Variants in NTM observed in about 807,000 individuals in gnomAD.
NTM encodes the protein neurotrimin.
NTM carries 13 observed loss-of-function variants against 42.1 expected under a neutral mutation model. That is an observed-to-expected ratio of 0.31 (90% CI 0.20 to 0.49). NTM has a LOEUF of 0.49. Ranked by LOEUF, NTM falls within the 20% of genes least tolerant of loss-of-function variation. The pLI is 0.99. For missense variants in NTM, 373 were observed against 452.8 expected, an observed-to-expected ratio of 0.82 and a Z score of 1.60; for synonymous variants, 187 against 179.2, an observed-to-expected ratio of 1.04 and a Z score of -0.35.
intron 1 of NTM, among the ~76,000 whole-genome samples, chr11:131,567,617 A>G (rs2057028807): frequency 6.6e-6 from 1 of 152,244 alleles, no homozygotes; most frequent in Non-Finnish European, 1.5e-5. Context: ...CTTCCAGTTC[A>G]TGAGGAATAC....
chr11:131,691,792 C>T (rs1384836611), intron 1 of NTM, among the ~76,000 whole-genome samples: 2 of 152,194 alleles, frequency 1.3e-5, no homozygotes, highest in Non-Finnish European at 2.9e-5. Flanking sequence ...GGGAGGGAGG[C>T]GGCGCATCCA....
chr11:132,326,649 C>T (rs988556895), intron 7 of NTM, among the ~76,000 whole-genome samples: 4 of 152,124 alleles, frequency 2.6e-5, no homozygotes, highest in Admixed American at 6.5e-5. Context: ...AATGGGTCAG[C>T]GAAGAAGACT....
intron 1 of NTM, among the ~76,000 whole-genome samples, chr11:131,752,946 A>C (rs1408245922): frequency 1.3e-5 from 2 of 152,214 alleles, no homozygotes; most frequent in African/African-American, 4.8e-5. Context: ...CATCAGAGTG[A>C]ACAGGCAACC....
chr11:132,093,528 C>G (rs2060609994), intron 2 of NTM, among the ~76,000 whole-genome samples: 1 of 152,218 alleles, frequency 6.6e-6, no homozygotes, highest in Non-Finnish European at 1.5e-5. Flanking sequence ...TCATGCTGCA[C>G]TTTAGACATC....
chr11:131,520,815 C>T (rs993255143), intron 1 of NTM, among the ~76,000 whole-genome samples: 1 of 151,856 alleles, frequency 6.6e-6, no homozygotes, highest in Non-Finnish European at 1.5e-5. Flanking sequence ...ACATATGTCT[C>T]AGTCCATTTT....
At chr11:131,689,167 C>T (rs974471914) in intron 1 of NTM, among the ~76,000 whole-genome samples, 2 of 152,186 alleles carry the variant, frequency 1.3e-5, no homozygotes, top group African/African-American at 4.8e-5. Context: ...TTGTGAGGAC[C>T]GAGCCCCTTC....
At chr11:131,728,267 G>A (rs115285210) in intron 1 of NTM, among the ~76,000 whole-genome samples, 2,618 of 152,318 alleles carry the variant, frequency 0.017, 71 homozygotes, top group African/African-American at 0.058. Context: ...TCTAATGCCC[G>A]TGGCAAGCCT....
chr11:132,078,933 G>A (rs2058693268), intron 2 of NTM, among the ~76,000 whole-genome samples: 1 of 152,118 alleles, frequency 6.6e-6, no homozygotes, highest in South Asian at 2.1e-4. Flanking sequence ...CCAACTTTAG[G>A]ATTAAATGCA....
At chr11:131,438,290 T>C (rs566694487) in intron 1 of NTM, among the ~76,000 whole-genome samples, 1 of 152,314 alleles carries the variant, frequency 6.6e-6, no homozygotes, top group South Asian at 2.1e-4. Context: ...AGTATCTTTG[T>C]GGTGTCCTCT....
At chr11:132,005,973 T>C (rs1033303486) in intron 2 of NTM, among the ~76,000 whole-genome samples, 4 of 152,228 alleles carry the variant, frequency 2.6e-5, no homozygotes, top group Admixed American at 2.6e-4. Context: ...TTTCAATTAT[T>C]AGTGTTTTCC....
intron 1 of NTM, among the ~76,000 whole-genome samples, chr11:131,691,563 C>T (rs1399594318): frequency 6.6e-6 from 1 of 152,038 alleles, no homozygotes; most frequent in East Asian, 1.9e-4. Flanking sequence ...TGAAAGCCCC[C>T]CCCCGACTTC....
chr11:131,986,522 C>A (rs1238839987), intron 2 of NTM, among the ~76,000 whole-genome samples: 1 of 152,198 alleles, frequency 6.6e-6, no homozygotes, highest in Non-Finnish European at 1.5e-5. Flanking sequence ...TGTATCATGT[C>A]ATGAAATATG....
intron 2 of NTM, among the ~76,000 whole-genome samples, chr11:132,055,633 G>A (rs373949552): frequency 1.3e-4 from 19 of 149,124 alleles, no homozygotes; most frequent in South Asian, 6.5e-4. Flanking sequence ...GTGTGTGTGC[G>A]TGTGCATGTG....
At chr11:131,400,063 G>A (rs1944969713) in intron 1 of NTM, among the ~76,000 whole-genome samples, 1 of 149,786 alleles carries the variant, frequency 6.7e-6, no homozygotes, top group Admixed American at 6.6e-5. Flanking sequence ...TCATTGATTG[G>A]TAGCATGTTG....
intron 1 of NTM, chr11:131,605,741 T>C (rs1387468722): frequency 7.3e-6 from 7 of 961,908 alleles, no homozygotes; most frequent in Non-Finnish European, 8.7e-6. Context: ...AGTGTTTGTA[T>C]CATTTAAAGT....
At chr11:131,953,258 C>G (rs1192907114) in intron 2 of NTM, among the ~76,000 whole-genome samples, 2 of 152,114 alleles carry the variant, frequency 1.3e-5, no homozygotes, top group African/African-American at 4.8e-5. Context: ...TAGAGGCACG[C>G]TCTATTTTTT....
chr11:131,710,578 GC>G (rs2077020449), intron 1 of NTM, among the ~76,000 whole-genome samples: 1 of 152,064 alleles, frequency 6.6e-6, no homozygotes, highest in South Asian at 2.1e-4. Context: ...TCAGTCCCTT[GC>G]CTTTAATTCA....
At position 131,527,525 on chromosome 11, in the gene NTM, T is replaced by C. The variant is rs145646166; in HGVS notation, c.82+156637T>C. ...TGAGATTTGCTCTATTTCCTGGATA[T>C]AGGCCATTGAACTCTGTTCTGCCTT... On this transcript the variant is annotated intron_variant, in intron 1 of 8. Coordinates refer to ENST00000683400, the MANE Select transcript of NTM (RefSeq NM_001352005.2). Among the ~76,000 whole-genome samples, 5 of 152,354 alleles carry C rather than the reference T, an allele frequency of 3.3e-5. No individual in the cohort carries two copies. The East Asian group carries it at 9.6e-4, about 29-fold the overall frequency.
intron 1 of NTM, among the ~76,000 whole-genome samples, chr11:131,643,659 A>G (rs932778312): frequency 3.3e-5 from 5 of 152,174 alleles, no homozygotes; most frequent in Admixed American, 6.6e-5. Flanking sequence ...CACCCTGTCT[A>G]TCATCCATTC....
Sources: gnomAD v4.1 joint callset for allele counts (sites outside exome capture counted in the v4.1 genomes callset) on GRCh38, gnomAD v4.1.1 for gene constraint, MANE v1.5 for transcripts, NCBI Gene and HGNC (gene_info 2026-07-23, HGNC 2026-07-21) for gene names.